Variants in LDB2 observed in about 807,000 individuals in gnomAD.
LDB2 encodes LIM domain-binding protein 2.
In LDB2, 12 loss-of-function variants were observed where a neutral mutation model predicts 44.3. The ratio of observed to expected loss-of-function variants is 0.27; its 90% confidence interval spans 0.17 to 0.44. The LOEUF (loss-of-function observed/expected upper bound fraction) is 0.44. LDB2 is among the 20% of genes least tolerant of loss of function. The probability of loss-of-function intolerance (pLI) is 1.00; values close to 1 mark genes in which losing one functional copy is unlikely to be tolerated. For synonymous variants in LDB2, 164 were observed against 174.8 expected (o/e 0.94, Z 0.49); for missense variants, 344 against 473.5 (o/e 0.73, Z 2.54).
chr4:16,666,277 G>C (rs1003394698), intron 2 of LDB2, among the ~76,000 whole-genome samples: 1 of 152,116 alleles, frequency 6.6e-6, no homozygotes, highest in Non-Finnish European at 1.5e-5. Flanking sequence ...TGGCTCACAC[G>C]GGAGCAATAA....
intron 1 of LDB2, among the ~76,000 whole-genome samples, chr4:16,875,858 T>C (rs1718211882): frequency 6.6e-6 from 1 of 152,234 alleles, no homozygotes. Context: ...TATAGAGAGC[T>C]TTAGCTTCCA....
At chr4:16,851,890 C>T (rs1429262381) in intron 1 of LDB2, among the ~76,000 whole-genome samples, 1 of 152,204 alleles carries the variant, frequency 6.6e-6, no homozygotes, top group Admixed American at 6.5e-5. Flanking sequence ...ATCTGAGAAA[C>T]ATGAGCCACA....
chr4:16,800,920 C>A (rs1163161724), intron 1 of LDB2, among the ~76,000 whole-genome samples: 5 of 152,300 alleles, frequency 3.3e-5, no homozygotes, highest in Non-Finnish European at 5.9e-5. Flanking sequence ...CATGATCCAC[C>A]CGCCTCGGCC....
intron 1 of LDB2, among the ~76,000 whole-genome samples, chr4:16,842,041 CA>C (rs1301533676): frequency 1.3e-5 from 2 of 152,152 alleles, no homozygotes; most frequent in Non-Finnish European, 2.9e-5. Flanking sequence ...TTGGGGAACT[CA>C]TCTATTTTCA....
intron 2 of LDB2, among the ~76,000 whole-genome samples, chr4:16,601,157 A>T (rs1302094880): frequency 6.6e-6 from 1 of 152,192 alleles, no homozygotes; most frequent in Non-Finnish European, 1.5e-5. Context: ...ATATACACAA[A>T]TACTTTTAAG....
intron 5 of LDB2, among the ~76,000 whole-genome samples, chr4:16,555,459 A>G (rs1739230959): frequency 6.6e-6 from 1 of 152,072 alleles, no homozygotes; most frequent in African/African-American, 2.4e-5. Flanking sequence ...ACATACACAT[A>G]CACACACCAA....
At chr4:16,728,905 T>G (rs1411665354) in intron 2 of LDB2, among the ~76,000 whole-genome samples, 1 of 152,252 alleles carries the variant, frequency 6.6e-6, no homozygotes, top group Non-Finnish European at 1.5e-5. Context: ...ACAAGACTTT[T>G]TGCCCAGGCA....
intron 5 of LDB2, among the ~76,000 whole-genome samples, chr4:16,571,006 A>T (rs1746335043): frequency 6.6e-6 from 1 of 152,180 alleles, no homozygotes; most frequent in Non-Finnish European, 1.5e-5. Context: ...GCAAGTACAA[A>T]GTCCCTGGCA....
At chr4:16,602,008 T>A (rs553184359) in intron 2 of LDB2, among the ~76,000 whole-genome samples, 1 of 152,342 alleles carries the variant, frequency 6.6e-6, no homozygotes, top group Non-Finnish European at 1.5e-5. Flanking sequence ...GTCGAATTAA[T>A]TAATTAATTT....
chr4:16,674,229 A>G, intron 2 of LDB2: 1 of 1,288,664 alleles, frequency 7.8e-7, no homozygotes, highest in Non-Finnish European at 1.0e-6. Context: ...CAATTACATG[A>G]TAGGAAATTG....
At chr4:16,787,467 C>T (rs1056853194) in intron 1 of LDB2, among the ~76,000 whole-genome samples, 4 of 151,932 alleles carry the variant, frequency 2.6e-5, no homozygotes, top group Admixed American at 1.3e-4. Flanking sequence ...ACAAAAAATT[C>T]GCCAGGCGTG....
At chr4:16,780,282 G>A (rs1380917839) in intron 1 of LDB2, among the ~76,000 whole-genome samples, 1 of 152,116 alleles carries the variant, frequency 6.6e-6, no homozygotes, top group African/African-American at 2.4e-5. Context: ...GAATGCAGTG[G>A]TGTGATCTCA....
chr4:16,523,013 A>C (rs1726847753), intron 5 of LDB2, among the ~76,000 whole-genome samples: 1 of 152,250 alleles, frequency 6.6e-6, no homozygotes, highest in South Asian at 2.1e-4. Context: ...AATGAAGGCC[A>C]GTGGCCCAGA....
chr4:16,852,551 T>G (rs1192662117), intron 1 of LDB2, among the ~76,000 whole-genome samples: 1 of 152,190 alleles, frequency 6.6e-6, no homozygotes, highest in Admixed American at 6.5e-5. Context: ...ATTCCATTGG[T>G]ATGAATCATC....
intron 1 of LDB2, among the ~76,000 whole-genome samples, chr4:16,812,143 A>G (rs576101151): frequency 6.6e-6 from 1 of 152,302 alleles, no homozygotes; most frequent in East Asian, 1.9e-4. Flanking sequence ...ATATTAGCAA[A>G]GCATAGAGCT....
At chr4:16,720,463 C>T (rs922895221) in intron 2 of LDB2, among the ~76,000 whole-genome samples, 1 of 152,122 alleles carries the variant, frequency 6.6e-6, no homozygotes, top group African/African-American at 2.4e-5. Context: ...CAATTCCTTG[C>T]AATAATTCTC....
At chr4:16,558,072 C>T (rs1057236430) in intron 5 of LDB2, among the ~76,000 whole-genome samples, 3 of 152,086 alleles carry the variant, frequency 2.0e-5, no homozygotes, top group African/African-American at 7.2e-5. Context: ...CTGTACATCA[C>T]CATCATCAAA....
chr4:16,711,542 G>T (rs982543204), intron 2 of LDB2, among the ~76,000 whole-genome samples: 1 of 152,158 alleles, frequency 6.6e-6, no homozygotes, highest in African/African-American at 2.4e-5. Flanking sequence ...TTTACACAGG[G>T]GTGACAAGTC....
intron 1 of LDB2, among the ~76,000 whole-genome samples, chr4:16,849,087 C>A (rs1334341801): frequency 3.9e-5 from 6 of 152,174 alleles, no homozygotes; most frequent in Non-Finnish European, 7.4e-5. Flanking sequence ...ATCTGGCCCC[C>A]ACTATGCCTT....
Sources: gnomAD v4.1 joint callset for allele counts (sites outside exome capture counted in the v4.1 genomes callset) on GRCh38, gnomAD v4.1.1 for gene constraint, MANE v1.5 for transcripts, NCBI Gene and HGNC (gene_info 2026-07-23, HGNC 2026-07-21) for gene names.